Variants in TAF1 observed in about 807,000 individuals in gnomAD.
TAF1 encodes the protein transcription initiation factor TFIID subunit 1.
A neutral mutation model predicts 138.5 loss-of-function variants in TAF1; 2 were observed. The ratio of observed to expected loss-of-function variants is 0.01; its 90% CI spans 0.01 to 0.05. TAF1 has a LOEUF of 0.05. Ranked by LOEUF, TAF1 falls within the 10% of genes least tolerant of loss-of-function variation. The pLI is 1.00. For missense variants in TAF1, 709 were observed against 1,478.0 expected (o/e 0.48, Z 8.53); for synonymous variants, 437 against 503.2 (o/e 0.87, Z 1.76).
rs1390919425 is a variant in TAF1 at position 71,378,219 on chromosome X, C to T, written c.934-16C>T. 7 of 1,206,339 alleles carry T rather than the reference C, an allele frequency of 5.8e-6. No homozygotes were observed. Among genetic ancestry groups the T allele is most frequent in the African/African-American group, 1.7e-5 (1 of 57,155 alleles). ...TCAGGAAATTCTCCCTGCTCTACTT[C>T]TTTCTTCTGTTACAGATCACGATGA... On this transcript the variant is annotated splice_polypyrimidine_tract_variant and intron_variant, in intron 6 of 37. Coordinates refer to ENST00000423759, the MANE Select transcript of TAF1 (RefSeq NM_004606.5).
intron 28 of TAF1, among the ~76,000 whole-genome samples, chrX:71,419,009 C>T (rs995241926): frequency 9.0e-6 from 1 of 111,042 alleles, no homozygotes; most frequent in Non-Finnish European, 1.9e-5. Flanking sequence ...TCAGGTGATC[C>T]GCCTGCCTCG....
At chrX:71,404,596 CA>C (rs1280440127) in intron 25 of TAF1, among the ~76,000 whole-genome samples, 1 of 111,636 alleles carries the variant, frequency 9.0e-6, no homozygotes, top group Non-Finnish European at 1.9e-5. Flanking sequence ...CTCCACCTCC[CA>C]AAGTGCTGAG....
At chrX:71,523,054 C>T (rs1190051694) in intron 13 of TAF1, among the ~76,000 whole-genome samples, 47 of 108,187 alleles carry the variant, frequency 4.3e-4, no homozygotes, top group African/African-American at 1.5e-3. Flanking sequence ...TGGTGATGTG[C>T]GCCTGTAGTC....
rs753892104 is a variant in TAF1 at position 71,464,023 on chromosome X, A to T, written c.5599A>T (p.Ser1867Cys). The T allele has an allele frequency of 8.4e-6, 10 of 1,191,860 alleles. No homozygotes were observed. The highest frequency in any genetic ancestry group is 1.1e-5 in the Non-Finnish European group (10 of 885,545). ...SEDFHSIAGD[S>C]DLDSDE ...GGATTTCCACTCCATTGCTGGGGAC[A>T]GTGACTTGGACTCTGATGAATGAGG... Residue 1867 changes from serine (S) to cysteine (C), a missense_variant, in exon 38 of 38, where the codon AGT becomes TGT. Coordinates refer to ENST00000423759, the MANE Select transcript of TAF1 (RefSeq NM_004606.5).
chrX:71,523,570 A>G lies in TAF1; in HGVS notation c.1367-4972A>G, dbSNP rs757892990. On this transcript the variant is annotated intron_variant and NMD_transcript_variant, in intron 13 of 14. Transcript: ENST00000373775. The stretch of plus-strand genomic sequence containing the variant: ...AATATATTATGGCTATACAAAGCAC[A>G]TCAAATATTTACTTTATGACAGAGA... 4.8e-4 allele frequency among the ~76,000 whole-genome samples: 54 copies of G among 112,427 alleles called. 1 individual carries two copies. In the Middle Eastern group the frequency reaches 0.014, roughly 29 times the overall value.
intron 7 of TAF1, 101 bp downstream of exon 7, chrX:71,378,554 T>C (rs2033645037): frequency 3.0e-6 from 3 of 996,183 alleles, no homozygotes; most frequent in Non-Finnish European, 4.1e-6. Flanking sequence ...TGGTAGGGTT[T>C]CTTTGGTGGG....
intron 13 of TAF1, among the ~76,000 whole-genome samples, chrX:71,525,140 C>G (rs972526774): frequency 5.5e-5 from 6 of 108,555 alleles, no homozygotes; most frequent in African/African-American, 3.3e-5. Context: ...CTCCCAGGTT[C>G]AAGCAATTCT....
rs747083092 is a variant in TAF1 at position 71,430,217 on chromosome X, TA to T, written c.4753+5984del. Among the ~76,000 whole-genome samples the T allele has an allele frequency of 2.7e-5, 3 of 109,701 alleles. No homozygotes were observed. The East Asian group carries it at 8.6e-4, about 32-fold the overall frequency. On this transcript the variant is annotated intron_variant, in intron 32 of 37. Transcript: ENST00000423759. ...AACACAGGTGAAACCCCGTCTCTAC[TA>T]AAAATATAAAAAATTAGCCGGGCGT...
rs2038675368 is a variant in TAF1 at position 71,464,359 on chromosome X, G to A, written c.*313G>A. The A allele has an allele frequency of 2.7e-6, 1 of 377,217 alleles. No individual in the cohort carries two copies. The highest frequency in any genetic ancestry group is 4.5e-6 in the Non-Finnish European group (1 of 220,787). 31.1% of individuals were successfully genotyped at this position (377,217 alleles called of 1,213,427 possible). On this transcript the variant is annotated 3_prime_UTR_variant, in exon 38 of 38. Transcript: ENST00000423759. ...GCTTTTGGTATAATTTTTCCCTGGG[G>A]AAGGAGGGGAAATTATGAAAGAACT...
chrX:71,530,343 T>C (rs1464077122), exon 15 of TAF1: 1 of 111,732 alleles, frequency 8.9e-6, no homozygotes, highest in Non-Finnish European at 1.9e-5. Flanking sequence ...GTTCTGGAGT[T>C]GGTTCCTTTT....
intron 3 of TAF1, among the ~76,000 whole-genome samples, chrX:71,374,694 A>C (rs1454187896): frequency 9.1e-6 from 1 of 109,824 alleles, no homozygotes; most frequent in African/African-American, 3.3e-5. Flanking sequence ...TGATCTGCCC[A>C]TCTTGGCCTC....
rs140106216 is a variant in TAF1 at position 71,461,640 on chromosome X, A to G, written c.5399+837A>G. ...TGGACAAGTTAAATTTAATGTATCT[A>G]TGATACATCTAACCAGCAAGCAGAT... On this transcript the variant is annotated intron_variant, in intron 37 of 37. Coordinates refer to ENST00000423759, the MANE Select transcript of TAF1 (RefSeq NM_004606.5). Among the ~76,000 whole-genome samples the G allele has an allele frequency of 7.0e-3, 789 of 112,047 alleles. 9 individuals are homozygous for G. Among genetic ancestry groups the G allele is most frequent in the African/African-American group, 0.024 (750 of 30,842 alleles).
Position 71,501,791 on chromosome X carries a change from C to T in TAF1, c.1367-26751C>T, listed in dbSNP as rs56665096. 3.6e-5 allele frequency among the ~76,000 whole-genome samples: 4 copies of T among 111,683 alleles called. No homozygotes were observed. The East Asian group carries it at 1.1e-3, about 31-fold the overall frequency. ...TTTAGTCCAGCAGCTGCACTATTCG[C>T]TTTTAACTGGCCAACAGGTGCCTGG... is the stretch of plus-strand genomic sequence containing the variant. On this transcript the variant is annotated intron_variant and NMD_transcript_variant, in intron 13 of 14. Transcript: ENST00000373775.
At chrX:71,366,836 T>G (rs1423139937) in intron 1 of TAF1, among the ~76,000 whole-genome samples, 4 of 111,470 alleles carry the variant, frequency 3.6e-5, no homozygotes, top group African/African-American at 1.3e-4. Flanking sequence ...TGACACTGCC[T>G]GCCCCTCTGA....
intron 13 of TAF1, among the ~76,000 whole-genome samples, chrX:71,478,393 A>C (rs1458265809): frequency 9.0e-6 from 1 of 110,797 alleles, no homozygotes; most frequent in Non-Finnish European, 1.9e-5. Flanking sequence ...GCGGTGGCTC[A>C]TGCCTGTAAT....
chrX:71,366,530 T>TGGGGCCGGGGGGGG, intron 1 of TAF1, 36 bp downstream of exon 1: 1 of 266,370 alleles, frequency 3.8e-6, no homozygotes, highest in Non-Finnish European at 5.5e-6. Context: ...GCTCGGGGGG[T>TGGGGCCGGGGGGGG]GGGGCTAAGC....
At chrX:71,406,823 A>T in intron 26 of TAF1, 77 bp downstream of exon 26, 3 of 795,220 alleles carry the variant, frequency 3.8e-6, no homozygotes, top group African/African-American at 2.1e-5. Flanking sequence ...CAGCTCTGAC[A>T]GCCTTAGATT....
In TAF1 at chrX:71,495,487, G is replaced by A. The variant is rs762339617; in HGVS notation, c.1367-33055G>A. ...TGTCTGATTTCAAAAGCCTTTTCCC[G>A]TAAACGCCAGGCAGCATCTCATACT... On this transcript the variant is annotated intron_variant and NMD_transcript_variant, in intron 13 of 14. Coordinates refer to the TAF1 transcript ENST00000373775. Among the ~76,000 whole-genome samples the A allele has an allele frequency of 7.2e-5, 8 of 111,624 alleles. No individual in the cohort carries two copies. In the South Asian group the frequency reaches 1.5e-3, roughly 21 times the overall value.
chrX:71,486,312 A>C (rs1426264264), intron 13 of TAF1, among the ~76,000 whole-genome samples: 1 of 110,646 alleles, frequency 9.0e-6, no homozygotes, highest in African/African-American at 3.3e-5. Context: ...GGCCTCCCAA[A>C]GTGCTGGGAT....
Sources: gnomAD v4.1 joint callset for allele counts (sites outside exome capture counted in the v4.1 genomes callset) on GRCh38, gnomAD v4.1.1 for gene constraint, MANE v1.5 for transcripts, NCBI Gene and HGNC (gene_info 2026-07-23, HGNC 2026-07-21) for gene names.